The following GPC5 variants were observed in gnomAD, a reference collection of about 807,000 sequenced individuals.
GPC5 encodes the protein glypican-5.
Under a neutral mutation model 53.9 loss-of-function variants are expected in GPC5, and 47 were observed. The ratio of observed to expected loss-of-function variants is 0.87; its 90% CI spans 0.69 to 1.11. The LOEUF (loss-of-function observed/expected upper bound fraction) is 1.11, where lower values mean the gene tolerates loss of function less well. Among genes scored for constraint, GPC5 ranks in the 50% most tolerant of loss-of-function variants. The pLI, the probability that GPC5 is intolerant of heterozygous loss-of-function variation, is 0.00. For synonymous variants in GPC5, 286 were observed against 263.3 expected (o/e 1.09, Z -0.84); for missense variants, 748 against 713.1 (o/e 1.05, Z -0.56).
intron 7 of GPC5, among the ~76,000 whole-genome samples, chr13:92,527,176 A>AG (rs1881346177): frequency 1.2e-5 from 1 of 80,964 alleles, no homozygotes; most frequent in Admixed American, 1.4e-4. Context: ...AAGAAAGAGA[A>AG]AGAAAGAAGA....
chr13:91,700,006 A>G (rs563942877), intron 3 of GPC5, among the ~76,000 whole-genome samples: 74 of 152,008 alleles, frequency 4.9e-4, no homozygotes, highest in African/African-American at 1.7e-3. Flanking sequence ...TTGTGCATGG[A>G]TTTTCTGTTT....
intron 7 of GPC5, among the ~76,000 whole-genome samples, chr13:92,381,847 GATC>G (rs111894710): frequency 0.48 from 56,867 of 118,398 alleles, 15,125 homozygotes; most frequent in East Asian, 0.57. Flanking sequence ...TATTGTATAT[GATC>G]ATATATGATT....
At chr13:91,820,734 C>T (rs549481216) in intron 5 of GPC5, among the ~76,000 whole-genome samples, 38 of 152,200 alleles carry the variant, frequency 2.5e-4, no homozygotes, top group Non-Finnish European at 2.5e-4. Context: ...GAGGCCGAGG[C>T]GGGAGGATCA....
At chr13:92,706,626 G>A (rs1342629740) in intron 7 of GPC5, among the ~76,000 whole-genome samples, 1 of 152,058 alleles carries the variant, frequency 6.6e-6, no homozygotes, top group African/African-American at 2.4e-5. Context: ...GTATATTCTA[G>A]TCAAGAGAGT....
intron 7 of GPC5, among the ~76,000 whole-genome samples, chr13:92,772,341 A>C (rs1331777808): frequency 6.6e-6 from 1 of 152,062 alleles, no homozygotes. Flanking sequence ...TTAATTCCTA[A>C]CCCTGTTCAT....
chr13:92,330,957 C>G (rs2043284069), intron 7 of GPC5, among the ~76,000 whole-genome samples: 1 of 152,100 alleles, frequency 6.6e-6, no homozygotes, highest in African/African-American at 2.4e-5. Context: ...AACAAAAATA[C>G]CAGGCAGTTA....
intron 7 of GPC5, among the ~76,000 whole-genome samples, chr13:92,784,474 T>TC (rs1286321892): frequency 1.3e-5 from 2 of 151,720 alleles, no homozygotes; most frequent in African/African-American, 4.8e-5. Context: ...ACTCACAGTC[T>TC]CCCTTTTTTT....
chr13:91,838,246 C>G (rs915709194), intron 5 of GPC5, among the ~76,000 whole-genome samples: 3 of 152,000 alleles, frequency 2.0e-5, no homozygotes, highest in African/African-American at 7.2e-5. Flanking sequence ...CCCTGCCATC[C>G]CCGCTGCCCT....
At chr13:92,510,716 C>T (rs984795307) in intron 7 of GPC5, among the ~76,000 whole-genome samples, 13 of 152,160 alleles carry the variant, frequency 8.5e-5, no homozygotes, top group African/African-American at 3.1e-4. Context: ...GCTCCTAGAT[C>T]TCAGCTGTAT....
chr13:92,177,555 C>A (rs562402719), intron 7 of GPC5, among the ~76,000 whole-genome samples: 9 of 152,140 alleles, frequency 5.9e-5, no homozygotes, highest in African/African-American at 1.9e-4. Flanking sequence ...AACAGAATAG[C>A]CACTAGTATG....
intron 6 of GPC5, among the ~76,000 whole-genome samples, chr13:92,016,539 CT>C (rs1276071676): frequency 6.6e-6 from 1 of 152,188 alleles, no homozygotes; most frequent in East Asian, 1.9e-4. Flanking sequence ...ATTTCATATG[CT>C]TGATTCTACA....
chr13:91,785,921 C>G (rs1260080166), intron 5 of GPC5, among the ~76,000 whole-genome samples: 2 of 152,188 alleles, frequency 1.3e-5, no homozygotes, highest in Non-Finnish European at 2.9e-5. Flanking sequence ...GCTCCTCCCC[C>G]TGCCCTGGGT....
chr13:92,008,463 A>C (rs1490177664), intron 6 of GPC5, among the ~76,000 whole-genome samples: 1 of 151,500 alleles, frequency 6.6e-6, no homozygotes, highest in Non-Finnish European at 1.5e-5. Flanking sequence ...CCCCATGAGG[A>C]AGCATCTCTT....
intron 6 of GPC5, among the ~76,000 whole-genome samples, chr13:92,143,853 T>C (rs2041847866): frequency 1.3e-5 from 2 of 152,128 alleles, no homozygotes; most frequent in Admixed American, 1.3e-4. Context: ...GATAATATTA[T>C]TTGGAAAGTC....
At chr13:91,815,786 T>A (rs2038390400) in intron 5 of GPC5, among the ~76,000 whole-genome samples, 1 of 152,156 alleles carries the variant, frequency 6.6e-6, no homozygotes, top group African/African-American at 2.4e-5. Flanking sequence ...TAGAATTCAT[T>A]TTTTCTTGAG....
chr13:91,528,935 A>G (rs749061067), intron 2 of GPC5, among the ~76,000 whole-genome samples: 3 of 152,242 alleles, frequency 2.0e-5, no homozygotes, highest in Non-Finnish European at 4.4e-5. Context: ...AACCACCCCC[A>G]TGATCCAGTC....
chr13:92,027,790 C>A (rs921240175), intron 6 of GPC5, among the ~76,000 whole-genome samples: 2 of 152,086 alleles, frequency 1.3e-5, no homozygotes, highest in Admixed American at 1.3e-4. Flanking sequence ...AATGGACATC[C>A]CTGAGATAAC....
In GPC5 at chr13:92,145,193, A is replaced by G. The variant is rs572000661; in HGVS notation, c.1561+204A>G. On this transcript the variant is annotated intron_variant, in intron 7 of 7. Coordinates refer to ENST00000377067, the MANE Select transcript of GPC5 (RefSeq NM_004466.6). ...TTAACTAATGACTTCTAATGAAATG[A>G]TAGTTTTCTGTGAAAAAAAACTAGT... 5.1e-3 allele frequency among the ~76,000 whole-genome samples: 774 copies of G among 152,262 alleles called. 9 individuals carry two copies. The highest frequency in any genetic ancestry group is 0.018 in the African/African-American group (737 of 41,540).
At chr13:91,742,016 A>G (rs1438466881) in intron 4 of GPC5, among the ~76,000 whole-genome samples, 1 of 152,166 alleles carries the variant, frequency 6.6e-6, no homozygotes, top group Non-Finnish European at 1.5e-5. Flanking sequence ...AAATCTGCTT[A>G]ATGTAAAACA....
Sources: gnomAD v4.1 joint callset for allele counts (sites outside exome capture counted in the v4.1 genomes callset) on GRCh38, gnomAD v4.1.1 for gene constraint, MANE v1.5 for transcripts, NCBI Gene and HGNC (gene_info 2026-07-23, HGNC 2026-07-21) for gene names.